Variants in PIK3R3 observed in about 807,000 individuals in gnomAD.
The protein encoded by PIK3R3 is phosphoinositide-3-kinase regulatory subunit 3, also known as phosphatidylinositol 3-kinase regulatory subunit gamma.
Under a neutral mutation model 62.9 loss-of-function variants are expected in PIK3R3, and 64 were observed. That is an observed-to-expected ratio of 1.02 (90% CI 0.83 to 1.25). PIK3R3 has a LOEUF of 1.25. PIK3R3 is among the 50% of genes most tolerant of loss of function. PIK3R3 has a pLI of 0.00. For synonymous variants in PIK3R3, 165 were observed against 189.0 expected (o/e 0.87, Z 1.04); for missense variants, 614 against 561.6 (o/e 1.09, Z -0.94).
At position 46,044,832 on chromosome 1, in the gene PIK3R3, C is replaced by G. The variant is rs1019758364; in HGVS notation, c.1188-961G>C. Among the ~76,000 whole-genome samples, 3 of 152,172 alleles carry G rather than the reference C, an allele frequency of 2.0e-5. No homozygotes were observed. The highest frequency in any genetic ancestry group is 4.8e-5 in the African/African-American group (2 of 41,424). On this transcript the variant is annotated intron_variant, in intron 9 of 9. Coordinates refer to ENST00000262741, the MANE Select transcript of PIK3R3 (RefSeq NM_003629.4). This position sits in a 1 kb window ranked among gnomAD's most constrained non-coding sequence, Gnocchi z 4.2. ...TGGATATTTGGTGAAATGAAAAAAGCCTGGTGCAATAGAAAAATGTGGGTT... is the reference window on the plus strand; with the variant it reads ...TGGATATTTGGTGAAATGAAAAAAGGCTGGTGCAATAGAAAAATGTGGGTT...
chr1:46,145,123 C>CAAA, the PIK3R3 span, among the ~76,000 whole-genome samples: 4 of 78,566 alleles, frequency 5.1e-5, no homozygotes, highest in East Asian at 3.2e-4. Context: ...AACTCCACCT[C>CAAA]AAAAAAAAAA....
chr1:46,124,868 C>A (rs1040581365), intron 1 of PIK3R3, among the ~76,000 whole-genome samples: 3 of 150,026 alleles, frequency 2.0e-5, no homozygotes, highest in African/African-American at 4.9e-5. Flanking sequence ...GAGGCCGAGG[C>A]GGGTGGATTG....
the PIK3R3 span, among the ~76,000 whole-genome samples, chr1:46,172,700 G>A: frequency 6.6e-6 from 1 of 152,060 alleles, no homozygotes; most frequent in African/African-American, 2.4e-5. Flanking sequence ...TAAAAACTAG[G>A]CAGGGGAAAG....
the PIK3R3 span, among the ~76,000 whole-genome samples, chr1:46,138,418 G>A: frequency 6.6e-6 from 1 of 152,206 alleles, no homozygotes; most frequent in East Asian, 1.9e-4. Flanking sequence ...CTAACACTTT[G>A]GGAGGCTGAG....
At chr1:46,120,925 A>C (rs1406411792) in intron 1 of PIK3R3, among the ~76,000 whole-genome samples, 1 of 152,216 alleles carries the variant, frequency 6.6e-6, no homozygotes, top group African/African-American at 2.4e-5. Flanking sequence ...CCTCTATCCA[A>C]AAACAGTGGC....
chr1:46,123,617 G>A (rs1458316109), intron 1 of PIK3R3, among the ~76,000 whole-genome samples: 5 of 152,188 alleles, frequency 3.3e-5, no homozygotes, highest in South Asian at 2.1e-4. Context: ...AGGGGTAGAA[G>A]AAATCGGAAA....
At chr1:46,066,710 G>A (rs1177761640) in intron 4 of PIK3R3, among the ~76,000 whole-genome samples, 1 of 152,066 alleles carries the variant, frequency 6.6e-6, no homozygotes, top group Non-Finnish European at 1.5e-5. Flanking sequence ...AGGACCACTT[G>A]AGCCCAGAAG....
intron 1 of PIK3R3, among the ~76,000 whole-genome samples, chr1:46,114,606 G>A (rs1654015391): frequency 6.6e-6 from 1 of 151,850 alleles, no homozygotes; most frequent in Admixed American, 6.6e-5. Flanking sequence ...CAATTTGTGT[G>A]TTTTGTTTTT....
chr1:46,089,630 G>T (rs1256422759), intron 1 of PIK3R3, among the ~76,000 whole-genome samples: 1 of 151,320 alleles, frequency 6.6e-6, no homozygotes, highest in African/African-American at 2.4e-5. Flanking sequence ...CCGGAGAATT[G>T]CTTGAACCTG....
At chr1:46,095,050 T>C (rs1263695246) in intron 1 of PIK3R3, among the ~76,000 whole-genome samples, 2 of 152,170 alleles carry the variant, frequency 1.3e-5, no homozygotes, top group African/African-American at 2.4e-5. Context: ...AATAAACAAT[T>C]ACTTCAACAA....
In PIK3R3 at chr1:46,051,242, C is replaced by T. The variant is rs983188658; in HGVS notation, c.941+4553G>A. Among the ~76,000 whole-genome samples, 6 of 151,930 alleles carry T rather than the reference C, an allele frequency of 3.9e-5. No individual in the cohort carries two copies. The East Asian group carries it at 7.7e-4, about 20-fold the overall frequency. On this transcript the variant is annotated intron_variant, in intron 7 of 9. Transcript: ENST00000262741. ...AAAAGCAAAAAATAAAACCAGAACA[C>T]AGCACCCTCCACAGAACTTTTTTTT...
intron 3 of PIK3R3, among the ~76,000 whole-genome samples, chr1:46,070,471 T>G (rs1649382691): frequency 6.6e-6 from 1 of 152,224 alleles, no homozygotes; most frequent in South Asian, 2.1e-4. Flanking sequence ...GAAGAAAGGC[T>G]GTCCTTTAAA....
In PIK3R3 at chr1:46,132,143, A is replaced by G; in HGVS notation, c.-191T>C. On this transcript the variant is annotated 5_prime_UTR_variant, in exon 1 of 10. Transcript: ENST00000262741. ...CCCCCTCTCTCCTACAGAACACAAC[A>G]AAATGCCCCCGAACTTTCAAGCTAT... is the stretch of plus-strand genomic sequence containing the variant. 7.3e-7 allele frequency: 1 copy of G among 1,370,164 alleles called. No homozygotes were observed. The highest frequency in any genetic ancestry group is 1.5e-5 in the African/African-American group (1 of 68,306). The allele number at this position is 1,370,164 out of a possible 1,614,324, so 84.9% of individuals were successfully genotyped here.
chr1:46,116,437 G>T (rs1025349262), intron 1 of PIK3R3, among the ~76,000 whole-genome samples: 1 of 152,142 alleles, frequency 6.6e-6, no homozygotes, highest in Admixed American at 6.5e-5. Flanking sequence ...AGGATCCCTT[G>T]AACCCAGCAG....
In PIK3R3 at chr1:46,055,850, T is replaced by A; in HGVS notation, c.886A>T (p.Asn296Tyr). 1 of 1,610,088 alleles carries A rather than the reference T, an allele frequency of 6.2e-7. No homozygotes were observed. Among genetic ancestry groups the A allele is most frequent in the Non-Finnish European group, 8.5e-7 (1 of 1,178,110 alleles). ...LDNREIDKKM[N>Y]SIKPDLIQLR... The stretch of plus-strand genomic sequence containing the variant: ...TGGATCAGGTCAGGTTTGATGCTAT[T>A]CATTTTTTTATCTATTTCTCGGTTG... The change falls in exon 7 of 10, where the codon AAT (asparagine) becomes TAT (tyrosine). Residue 296 changes from asparagine to tyrosine, a missense_variant. Transcript: ENST00000262741.
intron 1 of PIK3R3, chr1:46,105,245 T>A: frequency 2.8e-6 from 1 of 355,940 alleles, no homozygotes. Context: ...GGCTCACACC[T>A]GTAATCCCAG....
At chr1:46,053,329 C>T (rs1158564124) in intron 7 of PIK3R3, among the ~76,000 whole-genome samples, 2 of 151,700 alleles carry the variant, frequency 1.3e-5, no homozygotes, top group Admixed American at 6.6e-5. Context: ...CTGTTGTTTT[C>T]TTTCTGTCTT....
chr1:46,170,579 C>G, the PIK3R3 span, among the ~76,000 whole-genome samples: 1 of 152,194 alleles, frequency 6.6e-6, no homozygotes, highest in Non-Finnish European at 1.5e-5. Flanking sequence ...TGCCACCAAG[C>G]CTGGCTAATT....
chr1:46,123,186 T>G (rs919089183), intron 1 of PIK3R3, among the ~76,000 whole-genome samples: 2 of 152,174 alleles, frequency 1.3e-5, no homozygotes, highest in Non-Finnish European at 1.5e-5. Context: ...ATATAACACA[T>G]GATTCCAAGT....
Sources: gnomAD v4.1 joint callset for allele counts (sites outside exome capture counted in the v4.1 genomes callset) on GRCh38, gnomAD v4.1.1 for gene constraint, Gnocchi (gnomAD v3.1) non-coding constraint, MANE v1.5 for transcripts, NCBI Gene and HGNC (gene_info 2026-07-23, HGNC 2026-07-21) for gene names.